Variants in LAMA1 observed in about 807,000 individuals in gnomAD.
The protein encoded by LAMA1 is laminin subunit alpha 1.
A neutral mutation model predicts 348.7 loss-of-function variants in LAMA1; 219 were observed. The ratio of observed to expected loss-of-function variants is 0.63; its 90% CI spans 0.56 to 0.70. LAMA1 has a LOEUF of 0.70. LAMA1 is among the 30% of genes least tolerant of loss of function. The pLI, the probability that LAMA1 is intolerant of heterozygous loss-of-function variation, is 0.00. For synonymous variants in LAMA1, 1,487 were observed against 1,491.0 expected, an observed-to-expected ratio of 1.00 and a Z score of 0.06; for missense variants, 3,744 against 3,888.0, an observed-to-expected ratio of 0.96 and a Z score of 0.99.
At position 7,055,216 on chromosome 18, in the gene LAMA1, C is replaced by T. The variant is rs538956155; in HGVS notation, c.346-4280G>A. Among the ~76,000 whole-genome samples, 96 of 151,552 alleles carry T rather than the reference C, an allele frequency of 6.3e-4. 1 individual carries two copies. In the Middle Eastern group the frequency reaches 0.017, roughly 27 times the overall value. On this transcript the variant is annotated intron_variant, in intron 3 of 62. Transcript: ENST00000389658. Reference sequence around the variant, plus strand: ...CTGGAATCCCAGCACTTTAGGAGGCCGAGGCGGGCAGATCACTCGAGGTCA... The same window carrying T: ...CTGGAATCCCAGCACTTTAGGAGGCTGAGGCGGGCAGATCACTCGAGGTCA...
At chr18:7,089,241 C>T (rs370992545) in intron 1 of LAMA1, among the ~76,000 whole-genome samples, 8 of 152,044 alleles carry the variant, frequency 5.3e-5, no homozygotes, top group African/African-American at 9.7e-5. Context: ...ATTAGCCAGA[C>T]GTGGTGAAGC....
intron 1 of LAMA1, among the ~76,000 whole-genome samples, chr18:7,094,421 C>T (rs888743643): frequency 7.7e-5 from 10 of 129,600 alleles, no homozygotes; most frequent in Non-Finnish European, 1.4e-4. Context: ...AGCAAGACTC[C>T]GTCTCAAAAA....
At chr18:6,973,338 C>T (rs1226513685) in intron 46 of LAMA1, 131 bp from the exon 47 acceptor site, 2 of 799,702 alleles carry the variant, frequency 2.5e-6, no homozygotes, top group Non-Finnish European at 4.2e-6. Flanking sequence ...TGCTGGCCTC[C>T]TGGCTTCCAG....
At chr18:7,041,378 C>A (rs1457084304) in intron 9 of LAMA1, among the ~76,000 whole-genome samples, 1 of 136,182 alleles carries the variant, frequency 7.3e-6, no homozygotes, top group Non-Finnish European at 1.5e-5. Context: ...TCACCATCAT[C>A]ATCTTCATTA....
chr18:6,981,205 T>C (rs1442856741), intron 41 of LAMA1, among the ~76,000 whole-genome samples: 1 of 152,232 alleles, frequency 6.6e-6, no homozygotes, highest in Non-Finnish European at 1.5e-5. Context: ...TTAAATTTCA[T>C]GTCCAATTTT....
In LAMA1 at chr18:6,977,814, C is replaced by T. The variant is rs1324597554; in HGVS notation, c.6258G>A (p.Lys2086=). 2 of 1,614,066 alleles carry T rather than the reference C, an allele frequency of 1.2e-6. No homozygotes were observed. Among genetic ancestry groups the T allele is most frequent in the African/African-American group, 2.7e-5 (2 of 74,926 alleles). ...GATTCTCCTCTAACATCTTCAAAGG[C>T]TTCAACCGATCAAACAAAAGGTTGG... The part of the protein sequence containing the change: ...IQANLLFDRL[K]PLKMLEENLS... The change falls in exon 44 of 63, where the codon AAG becomes AAA. Residue 2086 remains lysine, a synonymous_variant. Transcript: ENST00000389658.
At chr18:6,988,570 C>A (rs376480916) in intron 36 of LAMA1, among the ~76,000 whole-genome samples, 65 of 152,236 alleles carry the variant, frequency 4.3e-4, no homozygotes, top group African/African-American at 1.5e-3. Context: ...GAGGCCAAGG[C>A]GGGCAGATCA....
rs2057992033 is a variant in LAMA1, at chr18:7,035,864, T to C, written c.1839+123A>G. The C allele has an allele frequency of 3.9e-6, 3 of 761,924 alleles. No individual in the cohort carries two copies. In the South Asian group the frequency reaches 4.4e-5, roughly 11 times the overall value. 47.2% of individuals were successfully genotyped at this position (761,924 alleles called of 1,614,324 possible). The stretch of plus-strand genomic sequence containing the variant: ...GTAGTCCCCACGCAAGTCCAGGGTC[T>C]ACTGAATGGCCACCTGGCCACCAGC... On this transcript the variant is annotated intron_variant, in intron 13 of 62. Transcript: ENST00000389658.
intron 1 of LAMA1, among the ~76,000 whole-genome samples, chr18:7,099,780 C>T (rs1476142668): frequency 6.6e-6 from 1 of 151,758 alleles, no homozygotes; most frequent in Non-Finnish European, 1.5e-5. Flanking sequence ...AAGCATAGGC[C>T]AGGCACGGTG....
chr18:7,092,626 GAA>G (rs35680760), intron 1 of LAMA1, among the ~76,000 whole-genome samples: 204 of 115,722 alleles, frequency 1.8e-3, no homozygotes, highest in Middle Eastern at 4.8e-3. Flanking sequence ...TCTGTCTCGG[GAA>G]AAAAAAAAAA....
intron 1 of LAMA1, among the ~76,000 whole-genome samples, chr18:7,080,669 T>C (rs1037900184): frequency 6.6e-6 from 1 of 152,134 alleles, no homozygotes; most frequent in Non-Finnish European, 1.5e-5. Flanking sequence ...GTCAAACCAT[T>C]GTTGCAGGGG....
At chr18:6,959,620 T>G in intron 53 of LAMA1, 128 bp from the exon 54 acceptor site, 3 of 929,204 alleles carry the variant, frequency 3.2e-6, no homozygotes, top group Non-Finnish European at 5.1e-6. Context: ...TAAGAATCTC[T>G]TCAGCTGTCA....
At position 6,999,314 on chromosome 18, in the gene LAMA1, A is replaced by C. The variant is rs181398958; in HGVS notation, c.4663+131T>G. 7.0e-5 allele frequency: 65 copies of C among 923,460 alleles called. No individual in the cohort carries two copies. In the Admixed American group the frequency reaches 1.3e-3, roughly 19 times the overall value. The allele number at this position is 923,460 out of a possible 1,614,324, so 57.2% of individuals were successfully genotyped here. A position where few individuals can be genotyped will look rare whatever the true frequency, so the allele number is the denominator to read the frequency against. On this transcript the variant is annotated intron_variant, in intron 32 of 62. Coordinates refer to ENST00000389658, the MANE Select transcript of LAMA1 (RefSeq NM_005559.4). The stretch of plus-strand genomic sequence containing the variant: ...GCAGATGCAACAGTGATCTATGCTT[A>C]GAAAATAAGAAAATGAAAATAAAAT...
In LAMA1 at chr18:7,034,364, C is replaced by G. The variant is rs1035511622; in HGVS notation, c.2051+115G>C. 1.0e-5 allele frequency: 8 copies of G among 786,066 alleles called. No individual in the cohort carries two copies. In the South Asian group the frequency reaches 1.2e-4, roughly 12 times the overall value. 48.7% of individuals were successfully genotyped at this position (786,066 alleles called of 1,614,324 possible). A position where few individuals can be genotyped will look rare whatever the true frequency, so the allele number is the denominator to read the frequency against. On this transcript the variant is annotated intron_variant, in intron 14 of 62. Coordinates refer to ENST00000389658, the MANE Select transcript of LAMA1 (RefSeq NM_005559.4). ...TTCTTAAGACAGCCAGATCCTGTAG[C>G]TGTGTCCTTAATATAATGAATGTAA...
At chr18:6,986,495 C>G in intron 36 of LAMA1, 148 bp from the exon 37 acceptor site, 1 of 711,348 alleles carries the variant, frequency 1.4e-6, no homozygotes, top group South Asian at 1.7e-5. Context: ...AGAATGGAAA[C>G]AATTTTTCTA....
At chr18:7,024,573 G>T in intron 17 of LAMA1, 107 bp from the exon 18 acceptor site, 1 of 902,456 alleles carries the variant, frequency 1.1e-6, no homozygotes, top group South Asian at 1.4e-5. Flanking sequence ...GACCTTCAAT[G>T]AGACCTCCTT....
At chr18:6,968,854 T>G (rs367788509) in intron 48 of LAMA1, among the ~76,000 whole-genome samples, 35 of 152,298 alleles carry the variant, frequency 2.3e-4, no homozygotes, top group African/African-American at 8.2e-4. Context: ...TTTAAAAATT[T>G]AGAGGACATC....
chr18:7,051,083 C>T (rs777387979), intron 3 of LAMA1, 147 bp from the exon 4 acceptor site: 60 of 1,020,698 alleles, frequency 5.9e-5, no homozygotes, highest in South Asian at 4.1e-4. Context: ...CCATGAGGTG[C>T]GAGGAGAGGG....
At chr18:7,088,045 A>C (rs2058224649) in intron 1 of LAMA1, among the ~76,000 whole-genome samples, 1 of 152,210 alleles carries the variant, frequency 6.6e-6, no homozygotes, top group African/African-American at 2.4e-5. Flanking sequence ...TAGAAGAAGA[A>C]GTGGGTTGGC....
Sources: allele counts gnomAD v4.1 joint callset (sites outside exome capture counted in the v4.1 genomes callset), GRCh38; gene constraint gnomAD v4.1.1; transcripts MANE v1.5; gene names NCBI Gene and HGNC (gene_info 2026-07-23, HGNC 2026-07-21).